FGF1: variants seen among roughly 807,000 people sequenced by gnomAD.
FGF1 encodes fibroblast growth factor 1.
FGF1 carries 9 observed loss-of-function variants against 13.4 expected under a neutral mutation model. The ratio of observed to expected loss-of-function variants is 0.67; its 90% confidence interval spans 0.40 to 1.17. The LOEUF is 1.17. Among genes scored for constraint, FGF1 ranks in the 50% most tolerant of loss-of-function variants. The probability of loss-of-function intolerance (pLI) is 0.01; values close to 1 mark genes in which losing one functional copy is unlikely to be tolerated. For missense variants in FGF1, 156 were observed against 192.7 expected (o/e 0.81, Z 1.13); for synonymous variants, 93 against 79.0 (o/e 1.18, Z -0.94).
At chr5:142,652,567 C>T (rs1767447292) in intron 1 of FGF1, among the ~76,000 whole-genome samples, 1 of 152,186 alleles carries the variant, frequency 6.6e-6, no homozygotes, top group South Asian at 2.1e-4. Flanking sequence ...ACAGAAGGGC[C>T]CAGGAGCCCC....
In FGF1 at chr5:142,595,457, G is replaced by A; in HGVS notation, c.301C>T (p.Leu101=). The part of the protein sequence containing the change: ...SQTPNEECLF[L]ERLEENHYNT... ...TAATGGTTCTCCTCCAGCCTTTCCA[G>A]GAACAAACATTCCTCATTTGGTGTC... The change falls in exon 4 of 4, where the codon CTG becomes TTG. Residue 101 remains leucine (L), a synonymous_variant. Transcript: ENST00000337706. 1 of 1,613,692 alleles carries A rather than the reference G, an allele frequency of 6.2e-7. No homozygotes were observed. Among genetic ancestry groups the A allele is most frequent in the South Asian group, 1.1e-5 (1 of 91,000 alleles).
At chr5:142,607,292 C>G (rs1757893881) in intron 2 of FGF1, among the ~76,000 whole-genome samples, 1 of 152,134 alleles carries the variant, frequency 6.6e-6, no homozygotes, top group Non-Finnish European at 1.5e-5. Context: ...TTTCAATACC[C>G]CCCGACCAGG....
At chr5:142,686,697 G>A (rs1038112915), upstream of FGF1, among the ~76,000 whole-genome samples, 2 of 152,166 alleles carry the variant, frequency 1.3e-5, no homozygotes, top group East Asian at 3.9e-4. Flanking sequence ...GTGTCTGTCT[G>A]TGCCATCCCC....
At chr5:142,655,838 C>A (rs1278410584) in intron 1 of FGF1, among the ~76,000 whole-genome samples, 1 of 152,202 alleles carries the variant, frequency 6.6e-6, no homozygotes, top group Non-Finnish European at 1.5e-5. Context: ...GGGAGCCAGG[C>A]TGGTGCAGGG....
chr5:142,597,018 G>T lies in FGF1; in HGVS notation c.274-1534C>A, dbSNP rs116358431. Among the ~76,000 whole-genome samples, 1,274 of 152,118 alleles carry T rather than the reference G, an allele frequency of 8.4e-3. 14 individuals carry two copies. The highest frequency in any genetic ancestry group is 0.03 in the African/African-American group (1,224 of 41,474). The stretch of plus-strand genomic sequence containing the variant: ...TGAAAACATTCAATACTGCTAACGA[G>T]AAAAATGCAAATTAAAAATTATTTA... On this transcript the variant is annotated intron_variant, in intron 3 of 3. Coordinates refer to ENST00000337706, the MANE Select transcript of FGF1 (RefSeq NM_000800.5).
chr5:142,619,704 A>C (rs250114), intron 1 of FGF1, among the ~76,000 whole-genome samples: 1 of 151,918 alleles, frequency 6.6e-6, no homozygotes, highest in African/African-American at 2.4e-5. Context: ...ATGGTGGCGC[A>C]TGCCTGTAAT....
Position 142,693,495 on chromosome 5 carries a change from T to C in FGF1, c.-35+4127A>G, listed in dbSNP as rs1363854505. Among the ~76,000 whole-genome samples the C allele has an allele frequency of 3.3e-5, 5 of 152,160 alleles. No homozygotes were observed. In the East Asian group the frequency reaches 5.8e-4, roughly 18 times the overall value. On this transcript the variant is annotated intron_variant, in intron 2 of 4. Coordinates refer to the FGF1 transcript ENST00000407758. ...TTAGTAGAGACAGGGTTTCACCATA[T>C]TGGCCAGGCTGGTTTGGGTTTTTAA...
At chr5:142,607,476 C>G (rs1044878094) in intron 2 of FGF1, among the ~76,000 whole-genome samples, 6 of 152,100 alleles carry the variant, frequency 3.9e-5, no homozygotes, top group Admixed American at 1.3e-4. Flanking sequence ...TTCATTTTCC[C>G]CTTCTGAAAT....
chr5:142,660,360 C>T (rs1442836321), intron 1 of FGF1, among the ~76,000 whole-genome samples: 1 of 152,212 alleles, frequency 6.6e-6, no homozygotes, highest in Non-Finnish European at 1.5e-5. Flanking sequence ...CTGTGGCTGC[C>T]CACCCTTTGG....
chr5:142,655,312 TC>T lies in FGF1; in HGVS notation c.-35+30644del, dbSNP rs542657103. On this transcript the variant is annotated intron_variant, in intron 1 of 3. Coordinates refer to ENST00000337706, the MANE Select transcript of FGF1 (RefSeq NM_000800.5). ...CACACATAATAAGTGAAGCGGCCCT[TC>T]CCTCATCTCGTCCACCATTGAGACC... is the stretch of plus-strand genomic sequence containing the variant. Among the ~76,000 whole-genome samples, 184 of 152,232 alleles carry T rather than the reference TC, an allele frequency of 1.2e-3. 1 individual carries two copies. The highest frequency in any genetic ancestry group is 2.7e-3 in the Admixed American group (41 of 15,292).
At chr5:142,652,088 G>C (rs1181141490) in intron 1 of FGF1, among the ~76,000 whole-genome samples, 1 of 152,128 alleles carries the variant, frequency 6.6e-6, no homozygotes, top group Middle Eastern at 3.2e-3. Context: ...CAGACAAAGA[G>C]ACTCAGACCC....
At chr5:142,600,466 A>G in intron 3 of FGF1, among the ~76,000 whole-genome samples, 1 of 152,266 alleles carries the variant, frequency 6.6e-6, no homozygotes, top group East Asian at 1.9e-4. Flanking sequence ...CAAAACATCA[A>G]TCAATCTTTA....
chr5:142,657,806 T>A (rs1768447096), intron 1 of FGF1, among the ~76,000 whole-genome samples: 1 of 152,218 alleles, frequency 6.6e-6, no homozygotes, highest in Non-Finnish European at 1.5e-5. Context: ...ATAACGCTGG[T>A]GTCTGGGTCT....
intron 1 of FGF1, among the ~76,000 whole-genome samples, chr5:142,656,238 C>A (rs1223681529): frequency 1.3e-5 from 2 of 151,924 alleles, no homozygotes; most frequent in African/African-American, 4.8e-5. Context: ...ATGGTTAAAC[C>A]GAGAAGAGCA....
intron 1 of FGF1, among the ~76,000 whole-genome samples, chr5:142,629,044 T>C (rs1762905041): frequency 6.6e-6 from 1 of 152,212 alleles, no homozygotes; most frequent in South Asian, 2.1e-4. Context: ...GATATTGTAC[T>C]CTTGAACCCT....
intron 1 of FGF1, among the ~76,000 whole-genome samples, chr5:142,664,400 A>T (rs1769887155): frequency 6.6e-6 from 1 of 152,188 alleles, no homozygotes; most frequent in African/African-American, 2.4e-5. Flanking sequence ...TAAGCCCTGT[A>T]TTCTCTGCAA....
chr5:142,668,159 A>G (rs928111372), intron 1 of FGF1, among the ~76,000 whole-genome samples: 1 of 152,262 alleles, frequency 6.6e-6, no homozygotes, highest in African/African-American at 2.4e-5. Flanking sequence ...GGCAGAGGCC[A>G]TGGTAGCTGG....
At chr5:142,640,437 G>GGGC (rs59213455) in intron 1 of FGF1, among the ~76,000 whole-genome samples, 1 of 144,500 alleles carries the variant, frequency 6.9e-6, no homozygotes, top group African/African-American at 2.5e-5. Flanking sequence ...GGGGGGGGGG[G>GGGC]TCTCTCTGAG....
intron 1 of FGF1, among the ~76,000 whole-genome samples, chr5:142,666,681 C>T (rs932185140): frequency 2.0e-5 from 3 of 152,224 alleles, no homozygotes; most frequent in Non-Finnish European, 2.9e-5. Flanking sequence ...TTCACGCCTA[C>T]AATCCCAGTA....
Sources: gnomAD v4.1 joint callset for allele counts (sites outside exome capture counted in the v4.1 genomes callset) on GRCh38, gnomAD v4.1.1 for gene constraint, MANE v1.5 for transcripts, NCBI Gene and HGNC (gene_info 2026-07-23, HGNC 2026-07-21) for gene names.